Variants in MYH6 observed in about 807,000 individuals in gnomAD.
The protein encoded by MYH6 is myosin-6.
In MYH6, 126 loss-of-function variants were observed where a neutral mutation model predicts 223.2. That is an observed-to-expected ratio of 0.56 (90% CI 0.49 to 0.65). The LOEUF (loss-of-function observed/expected upper bound fraction) is 0.65, where lower values mean the gene tolerates loss of function less well. Among genes scored for constraint, MYH6 ranks in the 30% least tolerant of loss-of-function variants. The probability of loss-of-function intolerance (pLI) is 0.00; values close to 1 mark genes in which losing one functional copy is unlikely to be tolerated. For missense variants in MYH6, 2,040 were observed against 2,536.4 expected, an observed-to-expected ratio of 0.80 and a Z score of 4.20; for synonymous variants, 978 against 1,010.2, an observed-to-expected ratio of 0.97 and a Z score of 0.61.
Position 23,387,915 on chromosome 14 carries a change from G to C in MYH6, c.4368C>G (p.Ala1456=). The C allele has an allele frequency of 6.2e-7, 1 of 1,613,654 alleles. No individual in the cohort carries two copies. The change falls in exon 31 of 39, where the codon GCC becomes GCG. Residue 1456 remains alanine, a synonymous_variant. Transcript: ENST00000405093. ...KKQRNFDKIL[A]EWKQKYEESQ... ...ACTCCTCATACTTCTGCTTCCACTCGGCCAGGATCTGCCCGGGGACAAGGC... is the reference window on the plus strand; with the variant it reads ...ACTCCTCATACTTCTGCTTCCACTCCGCCAGGATCTGCCCGGGGACAAGGC...
rs1347214886 is a variant in MYH6 at position 23,386,487 on chromosome 14, A to G, written c.4787T>C (p.Val1596Ala). ...EQAKRNHQRV[V>A]DSLQTSLDAE... is the part of the protein sequence containing the mutation. Reference sequence around the variant, plus strand: ...ATCCAGGGAGGTCTGCAGCGAGTCCACCACCCGCTGGTGGTTGCGCTTGGC... The same window carrying G: ...ATCCAGGGAGGTCTGCAGCGAGTCCGCCACCCGCTGGTGGTTGCGCTTGGC... Residue 1596 changes from valine (V) to alanine (A), a missense_variant, in exon 33 of 39, where the codon GTG (valine) becomes GCG (alanine). Physicochemically the swap from Val to Ala is moderately conservative, Grantham distance 64 (BLOSUM62 0). Coordinates refer to ENST00000405093, the MANE Select transcript of MYH6 (RefSeq NM_002471.4). 1 of 1,614,088 alleles carries G rather than the reference A, an allele frequency of 6.2e-7. No homozygotes were observed. The highest frequency in any genetic ancestry group is 8.5e-7 in the Non-Finnish European group (1 of 1,180,016).
At chr14:23,385,288 C>A (rs17091352) in intron 34 of MYH6, among the ~76,000 whole-genome samples, 5,642 of 151,572 alleles carry the variant, frequency 0.037, 312 homozygotes, top group African/African-American at 0.12. Context: ...GCAGTATTAC[C>A]CTGGAGCTCT....
chr14:23,405,032 T>C lies in MYH6; in HGVS notation c.530+68A>G. On this transcript the variant is annotated intron_variant, in intron 6 of 38. Transcript: ENST00000405093. The surrounding 1 kb of genome is among the most constrained non-coding windows in gnomAD (Gnocchi z 4.7). ...CCAGCCTTAAACCTCTCCTCCCAAC[T>C]ACACCCTAGGCATCAGCGTGTATGC... The C allele has an allele frequency of 6.2e-7, 1 of 1,609,852 alleles. No individual in the cohort carries two copies. The highest frequency in any genetic ancestry group is 8.5e-7 in the Non-Finnish European group (1 of 1,176,270).
intron 20 of MYH6, among the ~76,000 whole-genome samples, chr14:23,395,110 C>T (rs1891355274): frequency 6.6e-6 from 1 of 152,230 alleles, no homozygotes; most frequent in South Asian, 2.1e-4. Context: ...GGTGATCCGC[C>T]TGCCTTAGCC....
rs754150357 is a variant in MYH6 at position 23,388,513 on chromosome 14, C to T, written c.4176-175G>A. 100 of 1,087,324 alleles carry T rather than the reference C, an allele frequency of 9.2e-5. 1 individual carries two copies. The highest frequency in any genetic ancestry group is 5.2e-4 in the African/African-American group (34 of 64,826). 67.4% of individuals were successfully genotyped at this position (1,087,324 alleles called of 1,614,324 possible). A position where few individuals can be genotyped will look rare whatever the true frequency, so the allele number is the denominator to read the frequency against. On this transcript the variant is annotated intron_variant, in intron 29 of 38. Coordinates refer to ENST00000405093, the MANE Select transcript of MYH6 (RefSeq NM_002471.4). ...AGTCCGCCAGCACGGGCTGCCCAGG[C>T]GTCCTCCCTACCTGCAGTGGCATCT...
At chr14:23,389,916 G>C in intron 26 of MYH6, 141 bp downstream of exon 26, 1 of 1,550,950 alleles carries the variant, frequency 6.4e-7, no homozygotes, top group Non-Finnish European at 8.8e-7. Context: ...GAGCCAGAGA[G>C]GGGCAGGGGA....
Position 23,386,596 on chromosome 14 carries a change from T to C in MYH6, c.4678A>G (p.Ile1560Val), listed in dbSNP as rs1323541808. 2 of 1,611,412 alleles carry C rather than the reference T, an allele frequency of 1.2e-6. No individual in the cohort carries two copies. Among genetic ancestry groups the C allele is most frequent in the African/African-American group, 2.7e-5 (2 of 74,804 alleles). ...EASLEHEEGKILRAQLEFNQI... is the reference protein window; with the variant it reads ...EASLEHEEGKVLRAQLEFNQI... ...TTGAACTCTAGCTGGGCCCGGAGGA[T>C]CTTGCCCTCCTCGTGCTCCAGGGAG... The change falls in exon 33 of 39, where the codon ATC (isoleucine) becomes GTC (valine). Residue 1560 changes from isoleucine (I) to valine (V), a missense_variant. Ile to Val is a conservative substitution (Grantham distance 29). Around this residue, in one of 4 missense-constraint regions of MYH6, gnomAD observed 1,203 missense variants for 1,400.2 expected, o/e 0.86. Transcript: ENST00000405093.
rs1402534657 is a variant in MYH6, at chr14:23,392,906, T to G, written c.3251+6A>C. On this transcript the variant is annotated splice_donor_region_variant and intron_variant, in intron 24 of 38. Coordinates refer to ENST00000405093, the MANE Select transcript of MYH6 (RefSeq NM_002471.4). ...TTAGCCCCTCCTGGCCACCACAGTC[T>G]CCTACTTCTTAAGCTTTTCTTCCAG... 7 of 1,613,248 alleles carry G rather than the reference T, an allele frequency of 4.3e-6. No individual in the cohort carries two copies. Among genetic ancestry groups the G allele is most frequent in the African/African-American group, 1.3e-5 (1 of 74,904 alleles).
rs201667127 is a variant in MYH6 at position 23,386,462 on chromosome 14, A to G, written c.4812T>C (p.Asp1604=). The part of the protein sequence containing the change: ...RVVDSLQTSL[D]AETRSRNEVL... The stretch of plus-strand genomic sequence containing the variant: ...CCTCGTTGCGGCTGCGTGTCTCTGC[A>G]TCCAGGGAGGTCTGCAGCGAGTCCA... The change falls in exon 33 of 39, where the codon GAT becomes GAC. Residue 1604 remains aspartate, a synonymous_variant. Transcript: ENST00000405093. 8.0e-5 allele frequency: 129 copies of G among 1,614,116 alleles called. No homozygotes were observed. Among genetic ancestry groups the G allele is most frequent in the South Asian group, 7.4e-4 (67 of 91,074 alleles).
At position 23,383,338 on chromosome 14, in the gene MYH6, G is replaced by GGA; in HGVS notation, c.5566-20_5566-19dup. The GGA allele has an allele frequency of 2.4e-6, 1 of 421,650 alleles. No individual in the cohort carries two copies. Among genetic ancestry groups the GGA allele is most frequent in the Admixed American group, 2.6e-5 (1 of 37,902 alleles). 26.1% of individuals were successfully genotyped at this position (421,650 alleles called of 1,614,324 possible). On this transcript the variant is annotated intron_variant, in intron 36 of 38. Transcript: ENST00000405093. Reference sequence around the variant, plus strand: ...TCCTCTGTCTGGGGGTGGGAGGGTGGGAGAAGCTGGTTTGGAGGGGGAGCA... The same window carrying GGA: ...TCCTCTGTCTGGGGGTGGGAGGGTGGGAGAGAAGCTGGTTTGGAGGGGGAGCA...
Position 23,397,964 on chromosome 14 carries a change from C to CTAT in MYH6, c.1892-352_1892-351insATA, listed in dbSNP as rs1335810595. Among the ~76,000 whole-genome samples, 84 of 124,746 alleles carry CTAT rather than the reference C, an allele frequency of 6.7e-4. 1 individual carries two copies. Among genetic ancestry groups the CTAT allele is most frequent in the Non-Finnish European group, 1.1e-3 (65 of 59,662 alleles). The allele number at this position is 124,746 out of a possible 152,430, so 81.8% of individuals were successfully genotyped here. A position where few individuals can be genotyped will look rare whatever the true frequency, so the allele number is the denominator to read the frequency against. ...TCTTCTTCTTCTTCTTCTTCTTCTT[C>CTAT]TTCTTCTTCTTCTTCTTCTTCTTCT... is the stretch of plus-strand genomic sequence containing the variant. On this transcript the variant is annotated intron_variant, in intron 15 of 38. Transcript: ENST00000405093.
At chr14:23,397,508 C>A (rs746499890) in intron 16 of MYH6, 35 bp downstream of exon 16, 1 of 1,608,158 alleles carries the variant, frequency 6.2e-7, no homozygotes, top group African/African-American at 1.3e-5. Flanking sequence ...TGGGCCATTC[C>A]ACCAGGTGTC....
intron 14 of MYH6, among the ~76,000 whole-genome samples, chr14:23,399,338 G>T (rs1255952580): frequency 6.6e-6 from 1 of 152,186 alleles, no homozygotes; most frequent in African/African-American, 2.4e-5. Flanking sequence ...CTGCCCCAGG[G>T]GCAGGAGGGC....
At chr14:23,404,645 TA>T (rs1891720621) in intron 7 of MYH6, 65 bp downstream of exon 7, 3 of 1,466,022 alleles carry the variant, frequency 2.0e-6, no homozygotes, top group Admixed American at 1.7e-5. Flanking sequence ...AGGGGAGGGT[TA>T]GGGGTAACTC....
chr14:23,405,253 A>G lies in MYH6; in HGVS notation c.472T>C (p.Ser158Pro). ...SEAPPHIFSI[S>P]DNAYQYMLTD... ...AGCATGTACTGATAGGCGTTGTCGG[A>G]GATGGAGAAGATGTGGGGCGGGGCC... Residue 158 changes from serine to proline, a missense_variant, in exon 5 of 39, where the codon TCC (serine) becomes CCC (proline). Ser to Pro is a moderately conservative substitution (Grantham distance 74, BLOSUM62 -1). Around this residue, in one of 4 missense-constraint regions of MYH6, gnomAD observed 184 missense variants for 232.4 expected, o/e 0.79. Transcript: ENST00000405093. The surrounding 1 kb of genome is among the most constrained non-coding windows in gnomAD (Gnocchi z 4.7). The G allele has an allele frequency of 6.2e-7, 1 of 1,614,154 alleles. No homozygotes were observed. Among genetic ancestry groups the G allele is most frequent in the South Asian group, 1.1e-5 (1 of 91,082 alleles).
Position 23,385,018 on chromosome 14 carries a change from C to T in MYH6, c.5187G>A (p.Lys1729=). The change falls in exon 35 of 39, where the codon AAG becomes AAA. Residue 1729 remains lysine (K), a synonymous_variant. Transcript: ENST00000405093. ...GGGTCAGATCCGACTCCATCTTCTT[C>T]TTCTGGTTGATGAGGCTGGTGTTCT... ...HSQNTSLINQ[K]KKMESDLTQL... 6.2e-7 allele frequency: 1 copy of T among 1,614,198 alleles called. No homozygotes were observed.
chr14:23,382,179 G>T, intron 38 of MYH6, 116 bp from the exon 39 acceptor site: 2 of 1,187,920 alleles, frequency 1.7e-6, no homozygotes, highest in Non-Finnish European at 2.5e-6. Context: ...GAGAGGCAGG[G>T]CCCCAGGGAT....
At chr14:23,408,151 G>A (rs1891843508) in intron 1 of MYH6, 102 bp downstream of exon 1, 2 of 809,576 alleles carry the variant, frequency 2.5e-6, no homozygotes, top group South Asian at 1.1e-4. Flanking sequence ...AGAGCCCTTA[G>A]GCCTCCAACT....
chr14:23,403,231 G>A (rs1891664688), intron 10 of MYH6, 117 bp downstream of exon 10: 2 of 876,630 alleles, frequency 2.3e-6, no homozygotes, highest in African/African-American at 1.6e-5. Flanking sequence ...GAGGGAGAAG[G>A]GAAGTGAGCA....
Sources: gnomAD v4.1 joint callset for allele counts (sites outside exome capture counted in the v4.1 genomes callset) on GRCh38, gnomAD v4.1.1 for gene constraint, gnomAD v4.1.1 regional missense constraint, Gnocchi (gnomAD v3.1) non-coding constraint, MANE v1.5 for transcripts, NCBI Gene and HGNC (gene_info 2026-07-23, HGNC 2026-07-21) for gene names.